The following MITF variants were observed in gnomAD, a reference collection of about 807,000 sequenced individuals.
MITF encodes the protein melanocyte inducing transcription factor.
In MITF, 17 loss-of-function variants were observed where a neutral mutation model predicts 60.5. The ratio of observed to expected loss-of-function variants is 0.28; its 90% CI spans 0.19 to 0.42. MITF has a LOEUF of 0.42. MITF is among the 10% of genes least tolerant of loss of function. MITF has a pLI of 1.00. For missense variants in MITF, 622 were observed against 683.5 expected (o/e 0.91, Z 1.00); for synonymous variants, 260 against 248.5 (o/e 1.05, Z -0.43).
At chr3:69,794,054 T>G (rs1362806913) in intron 1 of MITF, among the ~76,000 whole-genome samples, 1 of 152,176 alleles carries the variant, frequency 6.6e-6, no homozygotes, top group Non-Finnish European at 1.5e-5. Context: ...ATGAAGTGTA[T>G]AGGAGGCAGT....
chr3:69,928,985 A>G (rs2065655391), intron 2 of MITF, among the ~76,000 whole-genome samples: 1 of 152,138 alleles, frequency 6.6e-6, no homozygotes, highest in Non-Finnish European at 1.5e-5. Context: ...AGGAAGCTTT[A>G]TCATGTGAAG....
chr3:69,769,193 C>T (rs1055864891), intron 1 of MITF, among the ~76,000 whole-genome samples: 3 of 152,028 alleles, frequency 2.0e-5, no homozygotes, highest in Non-Finnish European at 1.5e-5. Flanking sequence ...GATTTCTTAT[C>T]TGTAAAATAA....
intron 2 of MITF, among the ~76,000 whole-genome samples, chr3:69,887,839 A>G (rs1575887818): frequency 6.6e-6 from 1 of 152,034 alleles, no homozygotes; most frequent in African/African-American, 2.4e-5. Context: ...ATATGCATGC[A>G]TTCTTTATGT....
rs9873727 is a variant in MITF at position 69,959,637 on chromosome 3, G to T, written c.1179+217G>T. ...GTCATTCTTGGACATGTGCAGAGTG[G>T]CACGTTTGAGCTGCCCATGGCACGC... On this transcript the variant is annotated intron_variant, in intron 9 of 9. Coordinates refer to ENST00000352241, the MANE Select transcript of MITF (RefSeq NM_001354604.2). Among the ~76,000 whole-genome samples the T allele has an allele frequency of 0.053, 8,011 of 152,182 alleles. 487 individuals are homozygous for T. Among genetic ancestry groups the T allele is most frequent in the African/African-American group, 0.15 (6,016 of 41,484 alleles).
intron 1 of MITF, among the ~76,000 whole-genome samples, chr3:69,877,336 G>A (rs967035309): frequency 6.6e-6 from 1 of 151,644 alleles, no homozygotes; most frequent in African/African-American, 2.4e-5. Context: ...GAATCAAATT[G>A]TATGAACAAT....
At chr3:69,761,823 C>T (rs1467900402) in intron 1 of MITF, among the ~76,000 whole-genome samples, 1 of 152,162 alleles carries the variant, frequency 6.6e-6, no homozygotes, top group African/African-American at 2.4e-5. Context: ...GGTAGATTTT[C>T]CTAATTTCTT....
At chr3:69,796,210 A>G (rs1387674717) in intron 1 of MITF, among the ~76,000 whole-genome samples, 1 of 152,066 alleles carries the variant, frequency 6.6e-6, no homozygotes, top group Non-Finnish European at 1.5e-5. Flanking sequence ...TGAATTCCTG[A>G]CCTCAGGTGA....
At chr3:69,892,762 C>G (rs1349992553) in intron 2 of MITF, among the ~76,000 whole-genome samples, 1 of 152,222 alleles carries the variant, frequency 6.6e-6, no homozygotes, top group Non-Finnish European at 1.5e-5. Context: ...GTAATTCCCC[C>G]AGCAGTAGGC....
chr3:69,783,927 C>A (rs183393041), intron 1 of MITF, among the ~76,000 whole-genome samples: 80 of 152,288 alleles, frequency 5.3e-4, no homozygotes, highest in African/African-American at 1.9e-3. Context: ...TGAAATGTGT[C>A]AGCATAGGGA....
chr3:69,948,867 C>T (rs931246999), intron 5 of MITF, among the ~76,000 whole-genome samples, 184 bp from the exon 6 acceptor site: 9 of 152,144 alleles, frequency 5.9e-5, no homozygotes, highest in Admixed American at 2.0e-4. Context: ...TGAGGAGATC[C>T]TGTACCTCTC....
At chr3:69,844,738 A>G (rs1454263752) in intron 1 of MITF, among the ~76,000 whole-genome samples, 1 of 152,130 alleles carries the variant, frequency 6.6e-6, no homozygotes, top group Non-Finnish European at 1.5e-5. Context: ...CAAAGGGCTA[A>G]TATCCAGAAT....
At chr3:69,804,858 GTCCCTTGA>G (rs2062979848) in intron 1 of MITF, among the ~76,000 whole-genome samples, 1 of 152,208 alleles carries the variant, frequency 6.6e-6, no homozygotes, top group Admixed American at 6.6e-5. Flanking sequence ...GCTGAATCCT[GTCCCTTGA>G]ATTTGAAAGG....
intron 1 of MITF, among the ~76,000 whole-genome samples, chr3:69,873,819 A>G (rs181469325): frequency 6.6e-6 from 1 of 152,214 alleles, no homozygotes; most frequent in African/African-American, 2.4e-5. Flanking sequence ...GTTTCCAAAC[A>G]TCGGAATCAG....
intron 2 of MITF, among the ~76,000 whole-genome samples, chr3:69,921,403 T>C (rs2065465115): frequency 6.6e-6 from 1 of 152,226 alleles, no homozygotes; most frequent in Admixed American, 6.5e-5. Flanking sequence ...CAAAAGCAGA[T>C]TCCTAGTGTG....
intron 2 of MITF, among the ~76,000 whole-genome samples, chr3:69,894,126 T>C (rs1483099790): frequency 6.6e-6 from 1 of 152,248 alleles, no homozygotes; most frequent in Non-Finnish European, 1.5e-5. Flanking sequence ...TATGATTTTA[T>C]TAACTGTTCA....
chr3:69,789,501 G>A (rs2062704888), intron 1 of MITF, among the ~76,000 whole-genome samples: 1 of 152,132 alleles, frequency 6.6e-6, no homozygotes, highest in African/African-American at 2.4e-5. Context: ...TGTTGAGAAT[G>A]TAAAGAAAGT....
At chr3:69,763,518 C>T in intron 1 of MITF, 6 of 1,097,060 alleles carry the variant, frequency 5.5e-6, no homozygotes, top group South Asian at 3.6e-5. Flanking sequence ...AAGCCAGCTC[C>T]TGCTGCCAAG....
intron 1 of MITF, among the ~76,000 whole-genome samples, chr3:69,759,968 C>T (rs1318821026): frequency 2.6e-5 from 4 of 152,086 alleles, no homozygotes; most frequent in Admixed American, 2.0e-4. Context: ...TTAGTAGAGA[C>T]GGGGTTTCAC....
Position 69,939,137 on chromosome 3 carries a change from G to T in MITF, c.622G>T (p.Glu208Ter). 6.2e-7 allele frequency: 1 copy of T among 1,614,078 alleles called. No homozygotes were observed. Among genetic ancestry groups the T allele is most frequent in the Non-Finnish European group, 8.5e-7 (1 of 1,180,000 alleles). Residue 208 changes from glutamate to a stop codon, truncating the protein, a stop_gained, in exon 4 of 10, where the codon GAG becomes TAG. Coordinates refer to ENST00000352241, the MANE Select transcript of MITF (RefSeq NM_001354604.2). LOFTEE classifies it high-confidence loss of function. ...TGAAGAGCAAAACAGGGCAGAGAGC[G>T]AGTGCCCAGGCATGAACACACATTC... ...KFEEQNRAES[E>*]CPGMNTHSRA... is the part of the protein sequence containing the mutation.
Sources: gnomAD v4.1 joint callset for allele counts (sites outside exome capture counted in the v4.1 genomes callset) on GRCh38, gnomAD v4.1.1 for gene constraint, MANE v1.5 for transcripts, NCBI Gene and HGNC (gene_info 2026-07-23, HGNC 2026-07-21) for gene names.